Variants in ABCA9 observed in about 807,000 individuals in gnomAD.
The protein encoded by ABCA9 is ATP binding cassette subfamily A member 9, also known as ATP-binding cassette sub-family A member 9.
Under a neutral mutation model 205.3 loss-of-function variants are expected in ABCA9, and 183 were observed. The observed-to-expected ratio is 0.89, with a 90% CI of 0.79 to 1.01. The LOEUF is 1.01. ABCA9 is among the 50% of genes least tolerant of loss of function. ABCA9 has a pLI of 0.00. For synonymous variants in ABCA9, 651 were observed against 683.3 expected (o/e 0.95, Z 0.74); for missense variants, 1,805 against 1,912.4 (o/e 0.94, Z 1.05).
chr17:69,012,569 A>G (rs570942054), intron 22 of ABCA9, among the ~76,000 whole-genome samples: 1 of 152,150 alleles, frequency 6.6e-6, no homozygotes, highest in Admixed American at 6.6e-5. Flanking sequence ...GAGTTTTGCT[A>G]CAAGCCTTAA....
intron 19 of ABCA9, among the ~76,000 whole-genome samples, chr17:69,019,578 T>C (rs1567948583): frequency 1.3e-5 from 2 of 152,294 alleles, no homozygotes; most frequent in South Asian, 2.1e-4. Flanking sequence ...TTATTTACTA[T>C]ATGTCTAATC....
Position 69,004,154 on chromosome 17 carries a change from C to G in ABCA9, c.3435+3605G>C, listed in dbSNP as rs544376602. Reference sequence around the variant, plus strand: ...TTCTCCATCCAGCTTTGTTCCGTTGCTGGTGAGGAGCTGCACTCCTTTGGA... The same window carrying G: ...TTCTCCATCCAGCTTTGTTCCGTTGGTGGTGAGGAGCTGCACTCCTTTGGA... On this transcript the variant is annotated intron_variant, in intron 25 of 38. Coordinates refer to ENST00000340001, the MANE Select transcript of ABCA9 (RefSeq NM_080283.4). 6.6e-5 allele frequency among the ~76,000 whole-genome samples: 10 copies of G among 152,316 alleles called. No individual in the cohort carries two copies. The East Asian group carries it at 1.7e-3, about 26-fold the overall frequency.
upstream of ABCA9, chr17:69,061,003 T>C: frequency 1.0e-6 from 1 of 985,420 alleles, no homozygotes; most frequent in South Asian, 4.7e-5. Flanking sequence ...AATAGTTCTG[T>C]TTTATACAAA....
chr17:69,014,731 T>G (rs2144240155), intron 22 of ABCA9, among the ~76,000 whole-genome samples: 1 of 152,184 alleles, frequency 6.6e-6, no homozygotes, highest in Middle Eastern at 3.4e-3. Context: ...CAAGAAGCAC[T>G]CAACAGCTCT....
Position 69,028,599 on chromosome 17 carries a change from AC to A in ABCA9, c.1550del (p.Gly517ValfsTer11), listed in dbSNP as rs1567956574. On this transcript the variant is annotated frameshift_variant, in exon 12 of 39. Transcript: ENST00000340001. LOFTEE classifies it high-confidence loss of function. ...IYEGQITALL[G>X]HSGAGKTTLL... The stretch of plus-strand genomic sequence containing the variant: ...GGGTAGTTTTTCCAGCTCCACTGTG[AC>A]CAAGGAGGGCAGTGATCTGGCCTTC... 5 of 1,610,578 alleles carry A rather than the reference AC, an allele frequency of 3.1e-6. No individual in the cohort carries two copies. In the South Asian group the frequency reaches 5.5e-5, roughly 18 times the overall value.
At chr17:69,038,396 T>A (rs2071416703) in intron 6 of ABCA9, among the ~76,000 whole-genome samples, 1 of 152,180 alleles carries the variant, frequency 6.6e-6, no homozygotes, top group African/African-American at 2.4e-5. Flanking sequence ...ATCCCCGGGA[T>A]GCAAGGCAGG....
At chr17:69,015,528 C>CTAAT (rs1362528542) in intron 22 of ABCA9, among the ~76,000 whole-genome samples, 4 of 152,114 alleles carry the variant, frequency 2.6e-5, no homozygotes, top group Non-Finnish European at 4.4e-5. Flanking sequence ...GTCCCCAGAT[C>CTAAT]TAATAAAGCT....
intron 36 of ABCA9, 102 bp downstream of exon 36, chr17:68,983,607 T>C (rs753643938): frequency 2.3e-5 from 34 of 1,472,468 alleles, no homozygotes; most frequent in African/African-American, 2.8e-5. Flanking sequence ...GCAATTACCA[T>C]AGAGTTAAAG....
intron 37 of ABCA9, among the ~76,000 whole-genome samples, chr17:68,979,956 C>G (rs1376604252): frequency 6.6e-6 from 1 of 152,090 alleles, no homozygotes; most frequent in Non-Finnish European, 1.5e-5. Context: ...AACTAAAGAG[C>G]TTCTGCACAG....
chr17:69,027,142 T>C, intron 14 of ABCA9, 28 bp from the exon 15 acceptor site: 1 of 1,609,640 alleles, frequency 6.2e-7, no homozygotes. Context: ...CCTAAAGTAA[T>C]TCCACCCTTT....
chr17:69,022,026 C>T, intron 17 of ABCA9, 165 bp from the exon 18 acceptor site: 1 of 456,136 alleles, frequency 2.2e-6, no homozygotes, highest in Non-Finnish European at 3.4e-6. Context: ...TGTTACTTTT[C>T]ATGTCTTTTT....
intron 37 of ABCA9, among the ~76,000 whole-genome samples, chr17:68,978,289 C>T (rs1350303682): frequency 6.6e-6 from 1 of 152,070 alleles, no homozygotes; most frequent in African/African-American, 2.4e-5. Context: ...AGGATTGCAA[C>T]CCCTGCCTTT....
intron 30 of ABCA9, among the ~76,000 whole-genome samples, chr17:68,989,426 G>A (rs1165025004): frequency 6.6e-6 from 1 of 152,120 alleles, no homozygotes; most frequent in Non-Finnish European, 1.5e-5. Flanking sequence ...TGATTTCAAA[G>A]CCTGTTGTAC....
chr17:69,005,316 C>T (rs1049585739), intron 25 of ABCA9, among the ~76,000 whole-genome samples: 2 of 152,086 alleles, frequency 1.3e-5, no homozygotes, highest in South Asian at 4.1e-4. Context: ...CAGTTTTCAC[C>T]CTACCTAGTA....
intron 25 of ABCA9, among the ~76,000 whole-genome samples, chr17:69,000,757 G>A (rs546445402): frequency 0.052 from 7,877 of 151,240 alleles, 687 homozygotes; most frequent in African/African-American, 0.18. Flanking sequence ...TCCTACCCAT[G>A]AGCATGGAAT....
intron 19 of ABCA9, among the ~76,000 whole-genome samples, chr17:69,018,842 C>G (rs2070724892): frequency 1.3e-5 from 2 of 152,058 alleles, no homozygotes; most frequent in Non-Finnish European, 2.9e-5. Flanking sequence ...TCTTAAATCT[C>G]TCTTCACAAT....
chr17:68,983,545 T>C (rs1567912023), intron 36 of ABCA9, among the ~76,000 whole-genome samples, 164 bp downstream of exon 36: 1 of 152,212 alleles, frequency 6.6e-6, no homozygotes, highest in Non-Finnish European at 1.5e-5. Flanking sequence ...TGTTCTCTTA[T>C]TTCCCTCTTG....
intron 22 of ABCA9, among the ~76,000 whole-genome samples, chr17:69,013,331 A>C (rs1316777376): frequency 1.3e-5 from 2 of 152,116 alleles, no homozygotes; most frequent in Non-Finnish European, 2.9e-5. Flanking sequence ...TGAGTTTTGA[A>C]GTTTCTTTAC....
intron 6 of ABCA9, among the ~76,000 whole-genome samples, chr17:69,036,864 T>C (rs1207910753): frequency 6.7e-5 from 1 of 15,012 alleles, no homozygotes; most frequent in African/African-American, 2.4e-4. Flanking sequence ...ACCAAGTAAA[T>C]GGAAAGCAAA....
Sources: allele counts gnomAD v4.1 joint callset (sites outside exome capture counted in the v4.1 genomes callset), GRCh38; gene constraint gnomAD v4.1.1; transcripts MANE v1.5; gene names NCBI Gene and HGNC (gene_info 2026-07-23, HGNC 2026-07-21).